RAC1: variants seen among roughly 807,000 people sequenced by gnomAD.
The protein encoded by RAC1 is Rac family small GTPase 1.
In RAC1, 2 loss-of-function variants were observed where a neutral mutation model predicts 25.2. That is an observed-to-expected ratio of 0.08 (90% confidence interval 0.03 to 0.25). The LOEUF (loss-of-function observed/expected upper bound fraction) is 0.25, where lower values mean the gene tolerates loss of function less well. Ranked by LOEUF, RAC1 falls within the 10% of genes least tolerant of loss-of-function variation. The pLI is 1.00. For missense variants in RAC1, 50 were observed against 235.7 expected (o/e 0.21, Z 5.16); for synonymous variants, 88 against 94.0 (o/e 0.94, Z 0.37).
chr7:6,390,022 T>G, intron 2 of RAC1, among the ~76,000 whole-genome samples: 1 of 93,502 alleles, frequency 1.1e-5, no homozygotes, highest in Non-Finnish European at 2.2e-5. Context: ...TTCCCTCCTC[T>G]CCTACTCCTT....
intron 1 of RAC1, among the ~76,000 whole-genome samples, chr7:6,379,268 A>AT (rs768891793): frequency 0.56 from 59,619 of 105,868 alleles, 18,944 homozygotes; most frequent in Non-Finnish European, 0.72. Context: ...TGCCGAGGTA[A>AT]TTTTTTTTTT....
chr7:6,386,324 C>T (rs555810664), intron 1 of RAC1, among the ~76,000 whole-genome samples: 18 of 152,172 alleles, frequency 1.2e-4, no homozygotes, highest in African/African-American at 2.9e-4. Flanking sequence ...ATGGCAGTTA[C>T]GTGTGGTAGT....
intron 3 of RAC1, 132 bp from the exon 4 acceptor site, chr7:6,399,994 A>T: frequency 1.3e-6 from 1 of 768,042 alleles, no homozygotes; most frequent in South Asian, 1.6e-5. Context: ...GTGGATCAGG[A>T]AGCGTCTGAC....
intron 3 of RAC1, chr7:6,398,849 G>T: frequency 1.1e-6 from 1 of 873,040 alleles, no homozygotes; most frequent in Non-Finnish European, 1.8e-6. Context: ...CAAGGTTGGG[G>T]TTTTGCTTGA....
intron 1 of RAC1, among the ~76,000 whole-genome samples, chr7:6,375,195 C>T (rs1334304495): frequency 1.3e-5 from 2 of 152,024 alleles, no homozygotes; most frequent in African/African-American, 2.4e-5. Flanking sequence ...GCGGTCAAGT[C>T]GATCATATTT....
intron 2 of RAC1, among the ~76,000 whole-genome samples, chr7:6,388,372 GTCTC>G (rs3838698): frequency 0.037 from 4,636 of 126,716 alleles, 103 homozygotes; most frequent in South Asian, 0.11. Context: ...TTTGGAGTTA[GTCTC>G]TCTCTCTTGC....
chr7:6,392,812 G>T (rs1302828057), intron 3 of RAC1, among the ~76,000 whole-genome samples: 1 of 152,256 alleles, frequency 6.6e-6, no homozygotes, highest in Admixed American at 6.5e-5. Flanking sequence ...TCCTTGGGTT[G>T]ATAACCTGTG....
rs901451106 is a variant in RAC1 at position 6,382,869 on chromosome 7, G to C, written c.36-4343G>C. Among the ~76,000 whole-genome samples the C allele has an allele frequency of 2.6e-5, 4 of 152,188 alleles. No individual in the cohort carries two copies. In the East Asian group the frequency reaches 5.8e-4, roughly 22 times the overall value. On this transcript the variant is annotated intron_variant, in intron 1 of 5. Coordinates refer to ENST00000348035, the MANE Select transcript of RAC1 (RefSeq NM_006908.5). ...GCCTGGAAGACAGAGCCAAGACTCC[G>C]TCTTAAAGTTCTCTTAATGGAAAAA...
intron 3 of RAC1, among the ~76,000 whole-genome samples, chr7:6,394,985 G>A (rs1783190725): frequency 6.6e-6 from 1 of 152,140 alleles, no homozygotes; most frequent in African/African-American, 2.4e-5. Flanking sequence ...CTCCCAAGTA[G>A]CTGGGACTAC....
rs546446022 is a variant in RAC1 at position 6,395,003 on chromosome 7, C to T, written c.225+2962C>T. Among the ~76,000 whole-genome samples, 157 of 152,222 alleles carry T rather than the reference C, an allele frequency of 1.0e-3. 1 individual carries two copies. Among genetic ancestry groups the T allele is most frequent in the African/African-American group, 3.3e-3 (139 of 41,546 alleles). ...CCAAGTAGCTGGGACTACAGGCGCC[C>T]GCCACCACACCTGACTAATTTTTTA... On this transcript the variant is annotated intron_variant, in intron 3 of 5. Transcript: ENST00000348035.
intron 1 of RAC1, among the ~76,000 whole-genome samples, chr7:6,381,468 C>G (rs1180179903): frequency 1.3e-5 from 2 of 150,574 alleles, no homozygotes; most frequent in African/African-American, 2.5e-5. Context: ...AATCAGCTCA[C>G]TGCAACCTCT....
chr7:6,379,083 T>C (rs1215951394), intron 1 of RAC1, among the ~76,000 whole-genome samples: 16 of 151,966 alleles, frequency 1.1e-4, no homozygotes. Context: ...AGAGTGAGAC[T>C]CCGTCTCAAA....
intron 1 of RAC1, among the ~76,000 whole-genome samples, chr7:6,386,683 C>T (rs1782932387): frequency 6.6e-6 from 1 of 150,544 alleles, no homozygotes. Flanking sequence ...ACTTGGGAGG[C>T]TGAGGCAGGA....
At chr7:6,391,839 T>C (rs1288679836) in intron 2 of RAC1, 85 bp from the exon 3 acceptor site, 1 of 1,598,100 alleles carries the variant, frequency 6.3e-7, no homozygotes, top group Admixed American at 1.7e-5. Flanking sequence ...CCCCAGCCTT[T>C]TTCTTGGCAC....
intron 1 of RAC1, among the ~76,000 whole-genome samples, chr7:6,380,502 C>T (rs1168258029): frequency 6.6e-6 from 1 of 152,134 alleles, no homozygotes; most frequent in Non-Finnish European, 1.5e-5. Context: ...TTATAACTTT[C>T]TGTCTTTTTG....
At chr7:6,377,725 G>A (rs1353131985) in intron 1 of RAC1, among the ~76,000 whole-genome samples, 1 of 152,140 alleles carries the variant, frequency 6.6e-6, no homozygotes, top group Non-Finnish European at 1.5e-5. Flanking sequence ...GACCAGTCTG[G>A]CCAATATGGC....
chr7:6,381,881 G>A (rs1782775318), intron 1 of RAC1, among the ~76,000 whole-genome samples: 1 of 152,300 alleles, frequency 6.6e-6, no homozygotes, highest in Non-Finnish European at 1.5e-5. Flanking sequence ...CCCATACCTT[G>A]TTTGTCAGTG....
chr7:6,394,895 C>T lies in RAC1; in HGVS notation c.225+2854C>T, dbSNP rs1463554353. Among the ~76,000 whole-genome samples the T allele has an allele frequency of 6.6e-5, 10 of 152,184 alleles. No homozygotes were observed. In the East Asian group the frequency reaches 1.9e-3, roughly 29 times the overall value. Reference sequence around the variant, plus strand: ...TTTGAGACGGAGTCTTGCTCTGTCGCCCAGGCTGGAGTGCAATGGTGCGAT... The same window carrying T: ...TTTGAGACGGAGTCTTGCTCTGTCGTCCAGGCTGGAGTGCAATGGTGCGAT... On this transcript the variant is annotated intron_variant, in intron 3 of 5. Coordinates refer to ENST00000348035, the MANE Select transcript of RAC1 (RefSeq NM_006908.5).
At chr7:6,397,234 C>CT (rs79237498) in intron 3 of RAC1, among the ~76,000 whole-genome samples, 40,077 of 126,680 alleles carry the variant, frequency 0.32, 6,881 homozygotes, top group East Asian at 0.79. Flanking sequence ...GAGCGAGACT[C>CT]TGTCTCAAAA....
Sources: allele counts gnomAD v4.1 joint callset (sites outside exome capture counted in the v4.1 genomes callset), GRCh38; gene constraint gnomAD v4.1.1; transcripts MANE v1.5; gene names NCBI Gene and HGNC (gene_info 2026-07-23, HGNC 2026-07-21).